Variants in FGF1 observed in about 807,000 individuals in gnomAD.
FGF1 encodes the protein beta-endothelial cell growth factor.
FGF1 carries 9 observed loss-of-function variants against 13.4 expected under a neutral mutation model. The ratio of observed to expected loss-of-function variants is 0.67; its 90% CI spans 0.40 to 1.17. The LOEUF (loss-of-function observed/expected upper bound fraction) is 1.17. Among genes scored for constraint, FGF1 ranks in the 50% most tolerant of loss-of-function variants. The probability of loss-of-function intolerance (pLI) is 0.01; values close to 1 mark genes in which losing one functional copy is unlikely to be tolerated. For synonymous variants in FGF1, 93 were observed against 79.0 expected (o/e 1.18, Z -0.94); for missense variants, 156 against 192.7 (o/e 0.81, Z 1.13).
intron 3 of FGF1, among the ~76,000 whole-genome samples, chr5:142,600,053 C>T (rs2151822286): frequency 6.6e-6 from 1 of 152,320 alleles, no homozygotes; most frequent in South Asian, 2.1e-4. Context: ...AAGAGACACA[C>T]CTATAGCACG....
intron 1 of FGF1, among the ~76,000 whole-genome samples, chr5:142,674,796 T>C (rs1772192590): frequency 6.6e-6 from 1 of 152,168 alleles, no homozygotes; most frequent in Non-Finnish European, 1.5e-5. Context: ...GTTAGAGGTT[T>C]CTAAAGAGAT....
chr5:142,612,828 AT>A (rs1448695840), intron 2 of FGF1, among the ~76,000 whole-genome samples: 7 of 152,156 alleles, frequency 4.6e-5, no homozygotes, highest in African/African-American at 1.7e-4. Flanking sequence ...GCCAGCATCC[AT>A]CCCCATTACC....
intron 2 of FGF1, among the ~76,000 whole-genome samples, chr5:142,606,571 C>T (rs1025343078): frequency 4.6e-5 from 7 of 151,906 alleles, no homozygotes; most frequent in African/African-American, 1.7e-4. Context: ...TGCAGTGAGC[C>T]GAGATCGTGC....
At chr5:142,624,255 TG>T (rs1762115056) in intron 1 of FGF1, among the ~76,000 whole-genome samples, 1 of 151,960 alleles carries the variant, frequency 6.6e-6, no homozygotes, top group African/African-American at 2.4e-5. Flanking sequence ...TTTGTAGAGA[TG>T]GGGTCTCACT....
chr5:142,689,820 T>A (rs1751873472), upstream of FGF1, among the ~76,000 whole-genome samples: 8 of 147,024 alleles, frequency 5.4e-5, no homozygotes, highest in South Asian at 1.8e-3. Flanking sequence ...TGCCTCAGCC[T>A]CCGGAGTAGC....
At chr5:142,615,425 T>C (rs17217198) in intron 1 of FGF1, among the ~76,000 whole-genome samples, 5,960 of 152,286 alleles carry the variant, frequency 0.039, 145 homozygotes, top group Middle Eastern at 0.082. Flanking sequence ...GGTTTCACCA[T>C]GTTGGCCAGG....
At chr5:142,623,661 T>C (rs2151906672) in intron 1 of FGF1, among the ~76,000 whole-genome samples, 1 of 152,216 alleles carries the variant, frequency 6.6e-6, no homozygotes, top group South Asian at 2.1e-4. Context: ...TTTTGTCACT[T>C]TTACAAATCA....
intron 1 of FGF1, among the ~76,000 whole-genome samples, chr5:142,632,471 G>A (rs1763526318): frequency 6.6e-6 from 1 of 152,102 alleles, no homozygotes; most frequent in Admixed American, 6.6e-5. Flanking sequence ...CTGTTGCTTT[G>A]GTGTTTTATC....
rs1403262572 is a variant in FGF1 at position 142,606,330 on chromosome 5, T to C, written c.170-5525A>G. 4.0e-5 allele frequency among the ~76,000 whole-genome samples: 6 copies of C among 150,934 alleles called. No individual in the cohort carries two copies. In the South Asian group the frequency reaches 1.3e-3, roughly 32 times the overall value. On this transcript the variant is annotated intron_variant, in intron 2 of 3. Coordinates refer to ENST00000337706, the MANE Select transcript of FGF1 (RefSeq NM_000800.5). ...AAAACTAAATTGCAATGGGAGAATA[T>C]AGTAAATCCTTGATGAAAATCATAT...
chr5:142,617,777 C>G (rs1236265463), intron 1 of FGF1, among the ~76,000 whole-genome samples: 1 of 152,094 alleles, frequency 6.6e-6, no homozygotes, highest in African/African-American at 2.4e-5. Context: ...AAAGGAAACC[C>G]CAGGGGCATG....
intron 1 of FGF1, among the ~76,000 whole-genome samples, chr5:142,684,920 G>A (rs1186481819): frequency 6.6e-6 from 1 of 151,716 alleles, no homozygotes; most frequent in South Asian, 2.1e-4. Flanking sequence ...CCAGTCACCA[G>A]TGCAGAAAGG....
chr5:142,615,373 G>A (rs1209361036), intron 1 of FGF1, among the ~76,000 whole-genome samples: 5 of 152,116 alleles, frequency 3.3e-5, no homozygotes, highest in African/African-American at 1.2e-4. Context: ...ACAGGAATGC[G>A]CCACCACACC....
chr5:142,648,986 C>T (rs1259143193), intron 1 of FGF1, among the ~76,000 whole-genome samples: 2 of 152,206 alleles, frequency 1.3e-5, no homozygotes, highest in South Asian at 2.1e-4. Flanking sequence ...GGAAACAAGG[C>T]GACCAGGGGC....
chr5:142,665,016 C>G (rs1043595495), intron 1 of FGF1, among the ~76,000 whole-genome samples: 5 of 152,118 alleles, frequency 3.3e-5, no homozygotes, highest in Non-Finnish European at 5.9e-5. Context: ...TAAACAGTAA[C>G]ATTGAAAAAC....
chr5:142,669,399 C>G (rs777239737), intron 1 of FGF1, among the ~76,000 whole-genome samples: 9 of 152,194 alleles, frequency 5.9e-5, no homozygotes, highest in Non-Finnish European at 1.2e-4. Context: ...ACGATTATGT[C>G]CCCAGCACAG....
At chr5:142,597,806 G>C (rs913413906) in intron 3 of FGF1, among the ~76,000 whole-genome samples, 1 of 152,182 alleles carries the variant, frequency 6.6e-6, no homozygotes, top group South Asian at 2.1e-4. Flanking sequence ...ATGGAATCTT[G>C]TTGGTCTTCT....
intron 1 of FGF1, among the ~76,000 whole-genome samples, chr5:142,627,648 C>G (rs181990936): frequency 6.6e-6 from 1 of 152,176 alleles, no homozygotes; most frequent in Admixed American, 6.5e-5. Context: ...CCAAGCACCA[C>G]GCAGGAAGCA....
chr5:142,609,983 C>G (rs1008503948), intron 2 of FGF1, among the ~76,000 whole-genome samples: 14 of 152,150 alleles, frequency 9.2e-5, no homozygotes, highest in African/African-American at 3.1e-4. Flanking sequence ...GGGGCGGAAC[C>G]ACTGTCATGA....
At chr5:142,649,679 T>C (rs1766854424) in intron 1 of FGF1, among the ~76,000 whole-genome samples, 1 of 151,776 alleles carries the variant, frequency 6.6e-6, no homozygotes, top group Non-Finnish European at 1.5e-5. Flanking sequence ...AGTGCTGGGA[T>C]TACAGGTGTG....
Sources: allele counts gnomAD v4.1 joint callset (sites outside exome capture counted in the v4.1 genomes callset), GRCh38; gene constraint gnomAD v4.1.1; transcripts MANE v1.5; gene names NCBI Gene and HGNC (gene_info 2026-07-23, HGNC 2026-07-21).